C12orf42: variants seen among roughly 807,000 people sequenced by gnomAD.
C12orf42 encodes chromosome 12 open reading frame 42, also known as uncharacterized protein C12orf42.
C12orf42 carries 25 observed loss-of-function variants against 21.6 expected under a neutral mutation model. The observed-to-expected ratio is 1.16, with a 90% CI of 0.84 to 1.62. C12orf42 has a LOEUF of 1.62. C12orf42 is among the 40% of genes most tolerant of loss of function. The pLI, the probability that C12orf42 is intolerant of heterozygous loss-of-function variation, is 0.00. For synonymous variants in C12orf42, 174 were observed against 175.0 expected, an observed-to-expected ratio of 0.99 and a Z score of 0.05; for missense variants, 483 against 459.3, an observed-to-expected ratio of 1.05 and a Z score of -0.47.
chr12:103,327,767 T>C (rs1364617783), intron 4 of C12orf42, among the ~76,000 whole-genome samples: 2 of 152,134 alleles, frequency 1.3e-5, no homozygotes, highest in African/African-American at 4.8e-5. Context: ...ATTGAATGAA[T>C]GTTGAAGAAA....
the C12orf42 span, among the ~76,000 whole-genome samples, chr12:103,217,054 G>T: frequency 2.6e-5 from 4 of 151,936 alleles, no homozygotes; most frequent in African/African-American, 7.2e-5. Context: ...TGTTGGCGAG[G>T]GTTGTCTCAA....
At chr12:103,449,681 C>T (rs985943243) in intron 2 of C12orf42, among the ~76,000 whole-genome samples, 1 of 151,498 alleles carries the variant, frequency 6.6e-6, no homozygotes, top group African/African-American at 2.4e-5. Flanking sequence ...CTATTTATAA[C>T]AATTCTTGAT....
the C12orf42 span, among the ~76,000 whole-genome samples, chr12:103,068,559 G>A: frequency 6.6e-6 from 1 of 152,006 alleles, no homozygotes; most frequent in East Asian, 1.9e-4. Flanking sequence ...CTGTGAGGGT[G>A]TTGCCAAAGG....
the C12orf42 span, among the ~76,000 whole-genome samples, chr12:103,525,013 G>GTTTGC: frequency 6.6e-6 from 1 of 151,502 alleles, no homozygotes; most frequent in African/African-American, 2.4e-5. Flanking sequence ...TTTGTTTTTT[G>GTTTGC]TTTGTTTTGT....
rs116834988 is a variant in C12orf42, at chr12:103,311,823, G to A, written c.260-5478C>T. Among the ~76,000 whole-genome samples, 1,199 of 152,250 alleles carry A rather than the reference G, an allele frequency of 7.9e-3. 16 individuals carry two copies. The highest frequency in any genetic ancestry group is 0.021 in the African/African-American group (857 of 41,536). On this transcript the variant is annotated intron_variant, in intron 4 of 5. Coordinates refer to ENST00000548883, the MANE Select transcript of C12orf42 (RefSeq NM_198521.5). ...TCCCACCCTTGACCAATCAGTGAGA[G>A]TGGGACCCTAGTATCTGTTCACGGT...
In C12orf42 at chr12:103,452,640, T is replaced by C. The variant is rs1344178829; in HGVS notation, c.78+25709A>G. On this transcript the variant is annotated intron_variant, in intron 2 of 5. Transcript: ENST00000548883. Reference sequence around the variant, plus strand: ...TGGAACCAACCCAAATGTCCATCAATGATAGACTGGATTAAGAAAATGTGG... The same window carrying C: ...TGGAACCAACCCAAATGTCCATCAACGATAGACTGGATTAAGAAAATGTGG... Among the ~76,000 whole-genome samples, 7 of 152,218 alleles carry C rather than the reference T, an allele frequency of 4.6e-5. No homozygotes were observed. The East Asian group carries it at 1.4e-3, about 30-fold the overall frequency.
At chr12:103,487,574 T>C (rs1187109531) in intron 1 of C12orf42, among the ~76,000 whole-genome samples, 1 of 152,192 alleles carries the variant, frequency 6.6e-6, no homozygotes, top group African/African-American at 2.4e-5. Flanking sequence ...CTCCCATTAT[T>C]ATGGTGTGGG....
At chr12:103,439,290 A>T (rs534905656) in intron 2 of C12orf42, among the ~76,000 whole-genome samples, 124 of 152,268 alleles carry the variant, frequency 8.1e-4, no homozygotes, top group African/African-American at 2.9e-3. Context: ...CGTTAGACAT[A>T]AAACCATAAA....
At chr12:103,353,040 C>T (rs142313088) in intron 4 of C12orf42, among the ~76,000 whole-genome samples, 58 of 152,170 alleles carry the variant, frequency 3.8e-4, no homozygotes, top group African/African-American at 1.2e-3. Context: ...GTACTAAATG[C>T]CTTTCATTTA....
intron 2 of C12orf42, among the ~76,000 whole-genome samples, chr12:103,423,155 C>A (rs1041119261): frequency 3.9e-5 from 6 of 152,182 alleles, no homozygotes; most frequent in African/African-American, 1.2e-4. Flanking sequence ...AGCATTGATG[C>A]CCTTGCCCTG....
the C12orf42 span, among the ~76,000 whole-genome samples, chr12:103,225,016 G>A: frequency 1.3e-5 from 2 of 152,214 alleles, no homozygotes; most frequent in Non-Finnish European, 2.9e-5. Context: ...GGGCTTGACT[G>A]AAGTAATGGG....
intron 4 of C12orf42, among the ~76,000 whole-genome samples, chr12:103,361,133 A>AATCCAC (rs578043297): frequency 8.5e-4 from 129 of 152,246 alleles, no homozygotes; most frequent in African/African-American, 3.1e-3. Context: ...AAGCCGAAAG[A>AATCCAC]ATCCACAGAC....
At chr12:103,445,947 T>A (rs890955100) in intron 2 of C12orf42, among the ~76,000 whole-genome samples, 2 of 152,056 alleles carry the variant, frequency 1.3e-5, no homozygotes, top group East Asian at 3.9e-4. Flanking sequence ...GAAAGTCAAC[T>A]TCCTTTTTTT....
intron 3 of C12orf42, among the ~76,000 whole-genome samples, chr12:103,388,694 A>G (rs35028077): frequency 0.011 from 1,741 of 152,084 alleles, 18 homozygotes; most frequent in Non-Finnish European, 0.018. Context: ...GGTCTCCCCA[A>G]ACTCCAAATG....
intron 2 of C12orf42, among the ~76,000 whole-genome samples, chr12:103,436,074 A>G (rs989049572): frequency 3.3e-5 from 5 of 152,180 alleles, no homozygotes; most frequent in Non-Finnish European, 5.9e-5. Context: ...CCTACAAGCC[A>G]GAAGAGAGTG....
At chr12:103,232,157 T>A in the C12orf42 span, among the ~76,000 whole-genome samples, 40 of 152,340 alleles carry the variant, frequency 2.6e-4, 1 homozygote, top group Admixed American at 1.2e-3. Context: ...TATTGTTTGG[T>A]TTATATTTAA....
At chr12:103,136,857 T>A in the C12orf42 span, among the ~76,000 whole-genome samples, 1 of 152,112 alleles carries the variant, frequency 6.6e-6, no homozygotes, top group East Asian at 1.9e-4. Context: ...TGAACCCCTA[T>A]CTCTCACCAC....
At chr12:103,050,981 T>C in the C12orf42 span, among the ~76,000 whole-genome samples, 1 of 152,166 alleles carries the variant, frequency 6.6e-6, no homozygotes, top group Non-Finnish European at 1.5e-5. Flanking sequence ...CTGTGTACAT[T>C]CCTAAACGGC....
intron 4 of C12orf42, among the ~76,000 whole-genome samples, chr12:103,323,039 G>A (rs1047617012): frequency 9.9e-5 from 15 of 152,188 alleles, no homozygotes; most frequent in African/African-American, 3.6e-4. Flanking sequence ...AATTAAGGCT[G>A]CCCAACTTTT....
Sources: gnomAD v4.1 joint callset for allele counts (sites outside exome capture counted in the v4.1 genomes callset) on GRCh38, gnomAD v4.1.1 for gene constraint, MANE v1.5 for transcripts, NCBI Gene and HGNC (gene_info 2026-07-23, HGNC 2026-07-21) for gene names.